ADGRE3: variants seen among roughly 807,000 people sequenced by gnomAD.
The protein encoded by ADGRE3 is adhesion G protein-coupled receptor E3.
In ADGRE3, 88 loss-of-function variants were observed where a neutral mutation model predicts 80.1. The ratio of observed to expected loss-of-function variants is 1.10; its 90% CI spans 0.93 to 1.31. The LOEUF (loss-of-function observed/expected upper bound fraction) is 1.31. Ranked by LOEUF, ADGRE3 falls within the 40% of genes most tolerant of loss-of-function variation. The pLI, the probability that ADGRE3 is intolerant of heterozygous loss-of-function variation, is 0.00. For missense variants in ADGRE3, 715 were observed against 776.5 expected (o/e 0.92, Z 0.94); for synonymous variants, 281 against 294.8 (o/e 0.95, Z 0.48).
chr19:14,634,137 C>G (rs1036779856), intron 11 of ADGRE3, among the ~76,000 whole-genome samples: 3 of 152,062 alleles, frequency 2.0e-5, no homozygotes, highest in Admixed American at 2.0e-4. Context: ...ATGTGACAGC[C>G]ACTTTCACTT....
intron 6 of ADGRE3, 141 bp downstream of exon 6, chr19:14,654,841 T>G: frequency 1.6e-6 from 1 of 631,184 alleles, no homozygotes; most frequent in Non-Finnish European, 2.6e-6. Flanking sequence ...TAAGTTTGCG[T>G]TTTCTAGAAT....
rs368921923 is a variant in ADGRE3 at position 14,636,104 on chromosome 19, T to TTC, written c.1484+1999_1484+2000dup. 9.5e-4 allele frequency among the ~76,000 whole-genome samples: 38 copies of TTC among 39,920 alleles called. 1 individual carries two copies. The highest frequency in any genetic ancestry group is 2.8e-3 in the African/African-American group (33 of 11,656). The allele number at this position is 39,920 out of a possible 152,430, so 26.2% of individuals were successfully genotyped here. A position where few individuals can be genotyped will look rare whatever the true frequency, so the allele number is the denominator to read the frequency against. On this transcript the variant is annotated intron_variant, in intron 11 of 15. Transcript: ENST00000253673. The stretch of plus-strand genomic sequence containing the variant: ...TCCCTTTCTTTCTTTCTTTCTTTCT[T>TTC]TCTTTCTTTCTTTCTTTCTTTCTTT...
downstream of ADGRE3, among the ~76,000 whole-genome samples, chr19:14,614,292 C>T (rs1044174794): frequency 7.9e-5 from 12 of 152,094 alleles, no homozygotes; most frequent in East Asian, 5.8e-4. Flanking sequence ...TTCTGATATG[C>T]GTATTGAGAA....
At chr19:14,637,264 C>G (rs1199271139) in intron 11 of ADGRE3, among the ~76,000 whole-genome samples, 4 of 152,138 alleles carry the variant, frequency 2.6e-5, no homozygotes, top group African/African-American at 9.7e-5. Context: ...CTGCTGTACC[C>G]TGACCCACAT....
chr19:14,639,895 AC>A (rs1971201691), intron 10 of ADGRE3, among the ~76,000 whole-genome samples: 1 of 152,100 alleles, frequency 6.6e-6, no homozygotes, highest in East Asian at 1.9e-4. Flanking sequence ...ATTGTTATTG[AC>A]TATAGTCATG....
At chr19:14,652,187 T>A (rs1219807524) in intron 6 of ADGRE3, among the ~76,000 whole-genome samples, 1 of 152,184 alleles carries the variant, frequency 6.6e-6, no homozygotes, top group Non-Finnish European at 1.5e-5. Flanking sequence ...GAGTGATGGA[T>A]GTGTTAGCTA....
rs1304992454 is a variant in ADGRE3 at position 14,662,030 on chromosome 19, A to G, written c.288T>C (p.Cys96=). Residue 96 remains cysteine (C), a synonymous_variant, in exon 4 of 16, where the codon TGT becomes TGC. Coordinates refer to ENST00000253673, the MANE Select transcript of ADGRE3 (RefSeq NM_032571.5). ...CAGAATGCAGTCTATATCCTGGGAC[A>G]CATTGACAGTAGAAACTTCCTTCGA... ...YNVEGSFYCQ[C]VPGYRLHSGN... 1 of 1,613,890 alleles carries G rather than the reference A, an allele frequency of 6.2e-7. No homozygotes were observed. The highest frequency in any genetic ancestry group is 8.5e-7 in the Non-Finnish European group (1 of 1,179,714).
At chr19:14,639,166 A>G (rs547791650) in intron 10 of ADGRE3, among the ~76,000 whole-genome samples, 1 of 152,276 alleles carries the variant, frequency 6.6e-6, no homozygotes, top group Non-Finnish European at 1.5e-5. Context: ...TGCTGGTATT[A>G]CAAGCATGAA....
At chr19:14,639,891 AT>A (rs1301477013) in intron 10 of ADGRE3, among the ~76,000 whole-genome samples, 1 of 152,160 alleles carries the variant, frequency 6.6e-6, no homozygotes, top group Admixed American at 6.6e-5. Flanking sequence ...ATATATTGTT[AT>A]TGACTATAGT....
At chr19:14,625,031 G>C (rs1231451224) in intron 15 of ADGRE3, among the ~76,000 whole-genome samples, 1 of 152,094 alleles carries the variant, frequency 6.6e-6, no homozygotes, top group Admixed American at 6.5e-5. Flanking sequence ...CCAGGCTGGA[G>C]TGCAATGGTG....
At chr19:14,648,087 CAAA>C (rs60371636) in intron 7 of ADGRE3, among the ~76,000 whole-genome samples, 1 of 108,360 alleles carries the variant, frequency 9.2e-6, no homozygotes, top group African/African-American at 3.5e-5. Context: ...ATCTCAAAGA[CAAA>C]AAAAAAAAAA....
chr19:14,661,700 T>C (rs1008501304), intron 4 of ADGRE3, among the ~76,000 whole-genome samples: 6 of 152,174 alleles, frequency 3.9e-5, no homozygotes, highest in African/African-American at 1.4e-4. Flanking sequence ...GACTGCCGCC[T>C]GTAAAAAGTC....
At chr19:14,641,962 T>G (rs527314689) in intron 9 of ADGRE3, among the ~76,000 whole-genome samples, 3 of 152,230 alleles carry the variant, frequency 2.0e-5, no homozygotes, top group Non-Finnish European at 1.5e-5. Context: ...ATGTATACAC[T>G]TTGATGAGTT....
chr19:14,635,598 A>T (rs1971015713), intron 11 of ADGRE3, among the ~76,000 whole-genome samples: 1 of 151,548 alleles, frequency 6.6e-6, no homozygotes, highest in African/African-American at 2.4e-5. Context: ...TTTTTAGTAG[A>T]GACGGGGTTT....
At chr19:14,665,596 C>A (rs1972070341) in intron 2 of ADGRE3, among the ~76,000 whole-genome samples, 1 of 151,734 alleles carries the variant, frequency 6.6e-6, no homozygotes, top group Non-Finnish European at 1.5e-5. Flanking sequence ...CTCAAGCGAT[C>A]CTCCTACCTC....
chr19:14,623,239 A>G (rs1438080771), intron 15 of ADGRE3, among the ~76,000 whole-genome samples: 1 of 34,320 alleles, frequency 2.9e-5, no homozygotes, highest in Non-Finnish European at 6.4e-5. Context: ...TTCACTTTTT[A>G]CAGTGCTATT....
chr19:14,607,550 ATTATTTAT>A, the ADGRE3 span, among the ~76,000 whole-genome samples: 3,220 of 141,458 alleles, frequency 0.023, 67 homozygotes, highest in African/African-American at 0.049. Flanking sequence ...ATTTTATTTT[ATTATTTAT>A]TTATTTATTT....
intron 11 of ADGRE3, among the ~76,000 whole-genome samples, chr19:14,634,876 ACGCT>A (rs1342261995): frequency 6.6e-6 from 1 of 151,994 alleles, no homozygotes. Flanking sequence ...AAGAAAACCC[ACGCT>A]TGCTAAACTC....
At chr19:14,665,953 T>TATATATATAG (rs1972090054) in intron 2 of ADGRE3, among the ~76,000 whole-genome samples, 1 of 119,316 alleles carries the variant, frequency 8.4e-6, no homozygotes, top group African/African-American at 2.9e-5. Flanking sequence ...TATATATATA[T>TATATATATAG]ATATATATAT....
Sources: allele counts gnomAD v4.1 joint callset (sites outside exome capture counted in the v4.1 genomes callset), GRCh38; gene constraint gnomAD v4.1.1; transcripts MANE v1.5; gene names NCBI Gene and HGNC (gene_info 2026-07-23, HGNC 2026-07-21).